PIP4K2A: variants seen among roughly 807,000 people sequenced by gnomAD.
The protein encoded by PIP4K2A is phosphatidylinositol 5-phosphate 4-kinase type-2 alpha.
Under a neutral mutation model 42.9 loss-of-function variants are expected in PIP4K2A, and 14 were observed. The observed-to-expected ratio is 0.33, with a 90% CI of 0.22 to 0.51. The LOEUF (loss-of-function observed/expected upper bound fraction) is 0.51, where lower values mean the gene tolerates loss of function less well. PIP4K2A is among the 20% of genes least tolerant of loss of function. PIP4K2A has a pLI of 0.97. For synonymous variants in PIP4K2A, 192 were observed against 192.2 expected (o/e 1.00, Z 0.01); for missense variants, 434 against 519.8 (o/e 0.83, Z 1.61).
chr10:22,537,155 C>T lies in PIP4K2A; in HGVS notation c.*46G>A, dbSNP rs754640918. The T allele has an allele frequency of 1.4e-6, 2 of 1,466,478 alleles. No individual in the cohort carries two copies. The highest frequency in any genetic ancestry group is 1.9e-6 in the Non-Finnish European group (2 of 1,061,046). The allele number at this position is 1,466,478 out of a possible 1,614,324, so 90.8% of individuals were successfully genotyped here. On this transcript the variant is annotated 3_prime_UTR_variant, in exon 10 of 10. Coordinates refer to ENST00000376573, the MANE Select transcript of PIP4K2A (RefSeq NM_005028.5). ...TTTCATTTTTCCTACACCGAAGCCACCTCTGTCCATCCAATGTTCATGTCT... is the reference window on the plus strand; with the variant it reads ...TTTCATTTTTCCTACACCGAAGCCATCTCTGTCCATCCAATGTTCATGTCT...
rs71395806 is a variant in PIP4K2A, at chr10:22,640,014, CTTTT to C, written c.145-30301_145-30298del. Among the ~76,000 whole-genome samples the C allele has an allele frequency of 1.6e-3, 152 of 92,344 alleles. 1 individual carries two copies. Among genetic ancestry groups the C allele is most frequent in the African/African-American group, 5.3e-3 (127 of 24,180 alleles). The allele number at this position is 92,344 out of a possible 152,430, so 60.6% of individuals were successfully genotyped here. A position where few individuals can be genotyped will look rare whatever the true frequency, so the allele number is the denominator to read the frequency against. ...TCCAATAGATGCATGGATGTGTTGT[CTTTT>C]TTTTTTTTTTTTTTTTTTTTTTTTA... On this transcript the variant is annotated intron_variant, in intron 1 of 9. Transcript: ENST00000376573.
chr10:22,697,666 T>C (rs1839997722), intron 1 of PIP4K2A, among the ~76,000 whole-genome samples: 2 of 152,128 alleles, frequency 1.3e-5, no homozygotes, highest in Admixed American at 1.3e-4. Flanking sequence ...TTCGAGGCTG[T>C]AGTGAGCTAT....
rs1477047846 is a variant in PIP4K2A, at chr10:22,535,624, TATC to T, written c.*1574_*1576del. 6.5e-6 allele frequency: 1 copy of T among 152,746 alleles called. No homozygotes were observed. The highest frequency in any genetic ancestry group is 1.5e-5 in the Non-Finnish European group (1 of 68,470). 9.5% of individuals were successfully genotyped at this position (152,746 alleles called of 1,614,324 possible). ...TTTCTGAAACTGCCCACAAAAATCA[TATC>T]ATGTTTTAAACAAGGAGTTTCAAAG... On this transcript the variant is annotated 3_prime_UTR_variant, in exon 10 of 10. Coordinates refer to ENST00000376573, the MANE Select transcript of PIP4K2A (RefSeq NM_005028.5).
At chr10:22,590,128 G>C (rs1837479397) in intron 4 of PIP4K2A, among the ~76,000 whole-genome samples, 1 of 152,170 alleles carries the variant, frequency 6.6e-6, no homozygotes, top group South Asian at 2.1e-4. Context: ...GAAGCTGGCT[G>C]TCTGCAAACC....
chr10:22,569,717 C>A (rs1202210103), intron 5 of PIP4K2A, among the ~76,000 whole-genome samples: 2 of 151,978 alleles, frequency 1.3e-5, no homozygotes, highest in African/African-American at 4.8e-5. Flanking sequence ...TATAATCCAC[C>A]CTGCTTCTGA....
In PIP4K2A at chr10:22,664,192, CATATATATATACAT is replaced by C. The variant is rs1377322904; in HGVS notation, c.144+49977_144+49990del. Among the ~76,000 whole-genome samples the C allele has an allele frequency of 7.2e-4, 40 of 55,496 alleles. 7 individuals are homozygous for C. The highest frequency in any genetic ancestry group is 4.4e-3 in the African/African-American group (38 of 8,566). The allele number at this position is 55,496 out of a possible 152,430, so 36.4% of individuals were successfully genotyped here. ...ACATATATATATATACATATATATA[CATATATATATACAT>C]ATATATATATACATATATATATACA... On this transcript the variant is annotated intron_variant, in intron 1 of 9. Coordinates refer to ENST00000376573, the MANE Select transcript of PIP4K2A (RefSeq NM_005028.5).
intron 1 of PIP4K2A, among the ~76,000 whole-genome samples, chr10:22,611,412 C>CAA: frequency 1.5e-5 from 1 of 68,066 alleles, no homozygotes; most frequent in African/African-American, 6.1e-5. Flanking sequence ...CAAACAACAA[C>CAA]AACAAAAAAA....
intron 1 of PIP4K2A, among the ~76,000 whole-genome samples, chr10:22,682,711 T>C (rs1252981167): frequency 3.3e-5 from 5 of 152,174 alleles, no homozygotes; most frequent in Admixed American, 1.3e-4. Context: ...CCTGCCTCAC[T>C]TGTGAATTCC....
intron 1 of PIP4K2A, among the ~76,000 whole-genome samples, chr10:22,614,977 GA>G (rs1199450150): frequency 6.6e-6 from 1 of 152,160 alleles, no homozygotes; most frequent in Non-Finnish European, 1.5e-5. Flanking sequence ...TCAAAATAAA[GA>G]TTCTTGGGTT....
intron 1 of PIP4K2A, among the ~76,000 whole-genome samples, chr10:22,650,442 T>C (rs1217869308): frequency 6.6e-6 from 1 of 152,160 alleles, no homozygotes; most frequent in Non-Finnish European, 1.5e-5. Flanking sequence ...AGATGGGGTT[T>C]TGCCATGTTG....
intron 4 of PIP4K2A, among the ~76,000 whole-genome samples, chr10:22,586,851 C>T (rs1270451602): frequency 6.6e-6 from 1 of 152,150 alleles, no homozygotes; most frequent in Non-Finnish European, 1.5e-5. Flanking sequence ...TTCTTATATA[C>T]TAGACACTGC....
At chr10:22,700,770 A>C (rs1833699359) in intron 1 of PIP4K2A, among the ~76,000 whole-genome samples, 1 of 152,254 alleles carries the variant, frequency 6.6e-6, no homozygotes, top group Non-Finnish European at 1.5e-5. Context: ...AAAAAACAAA[A>C]GCAAGGCTTA....
At chr10:22,622,095 A>C (rs956074563) in intron 1 of PIP4K2A, among the ~76,000 whole-genome samples, 6 of 152,246 alleles carry the variant, frequency 3.9e-5, no homozygotes, top group South Asian at 2.1e-4. Context: ...AAAATCAAAA[A>C]CACCACCACC....
At chr10:22,679,854 T>A (rs1839626518) in intron 1 of PIP4K2A, among the ~76,000 whole-genome samples, 1 of 152,132 alleles carries the variant, frequency 6.6e-6, no homozygotes, top group South Asian at 2.1e-4. Flanking sequence ...AGATTAGTGG[T>A]TGCCTAGGGC....
At chr10:22,679,455 T>G (rs923846077) in intron 1 of PIP4K2A, among the ~76,000 whole-genome samples, 3 of 152,216 alleles carry the variant, frequency 2.0e-5, no homozygotes, top group African/African-American at 7.2e-5. Context: ...AGAAACTTCA[T>G]ACATTGCTAG....
intron 1 of PIP4K2A, among the ~76,000 whole-genome samples, chr10:22,665,277 T>C (rs182550764): frequency 6.6e-6 from 1 of 152,330 alleles, no homozygotes; most frequent in African/African-American, 2.4e-5. Flanking sequence ...GTTTTAAAAA[T>C]ATGAAATCCT....
At chr10:22,584,321 TAA>T (rs11302182) in intron 4 of PIP4K2A, among the ~76,000 whole-genome samples, 37,259 of 150,296 alleles carry the variant, frequency 0.25, 4,882 homozygotes, top group Non-Finnish European at 0.28. Context: ...TTGTTGAAAT[TAA>T]AAAAAAAAAA....
chr10:22,691,050 G>A (rs187434462), intron 1 of PIP4K2A, among the ~76,000 whole-genome samples: 24 of 152,270 alleles, frequency 1.6e-4, no homozygotes, highest in African/African-American at 5.8e-4. Context: ...GTGGTGTCTC[G>A]ATTTTACAAT....
At chr10:22,584,250 C>A (rs548826725) in intron 4 of PIP4K2A, among the ~76,000 whole-genome samples, 1 of 151,884 alleles carries the variant, frequency 6.6e-6, no homozygotes, top group East Asian at 1.9e-4. Context: ...AAGAAACTAT[C>A]AGGAATGAAC....
Sources: allele counts gnomAD v4.1 joint callset (sites outside exome capture counted in the v4.1 genomes callset), GRCh38; gene constraint gnomAD v4.1.1; transcripts MANE v1.5; gene names NCBI Gene and HGNC (gene_info 2026-07-23, HGNC 2026-07-21).